TRERF1: variants seen among roughly 807,000 people sequenced by gnomAD.
TRERF1 encodes the protein transcriptional regulating factor 1.
In TRERF1, 27 loss-of-function variants were observed where a neutral mutation model predicts 122.9. That is an observed-to-expected ratio of 0.22 (90% CI 0.16 to 0.30). The LOEUF is 0.30. TRERF1 is among the 10% of genes least tolerant of loss of function. The pLI is 1.00. For synonymous variants in TRERF1, 636 were observed against 641.7 expected, an observed-to-expected ratio of 0.99 and a Z score of 0.13; for missense variants, 1,248 against 1,560.3, an observed-to-expected ratio of 0.80 and a Z score of 3.37.
rs889996641 is a variant in TRERF1 at position 42,276,621 on chromosome 6, T to A, written c.-258-6773A>T. ...GTTGTTGTTCTAAATGCTTTCTGAT[T>A]AGTCTTCTAAATAATTCCAGTGGGT... On this transcript the variant is annotated intron_variant, in intron 4 of 17. Transcript: ENST00000372922. The surrounding 1 kb of genome is among the most constrained non-coding windows in gnomAD (Gnocchi z 4.3). 3.3e-5 allele frequency among the ~76,000 whole-genome samples: 5 copies of A among 152,226 alleles called. No individual in the cohort carries two copies. The highest frequency in any genetic ancestry group is 1.2e-4 in the African/African-American group (5 of 41,458).
chr6:42,376,141 AC>A (rs1475183447), intron 2 of TRERF1, among the ~76,000 whole-genome samples: 1 of 152,152 alleles, frequency 6.6e-6, no homozygotes, highest in Non-Finnish European at 1.5e-5. Flanking sequence ...GGGCCTGGCC[AC>A]CCCCAGTTCC....
At position 42,277,920 on chromosome 6, in the gene TRERF1, A is replaced by G. The variant is rs1017306829; in HGVS notation, c.-258-8072T>C. On this transcript the variant is annotated intron_variant, in intron 4 of 17. Coordinates refer to ENST00000372922, the Ensembl canonical transcript of TRERF1. The stretch of plus-strand genomic sequence containing the variant: ...GAAGGAAGAAGGAAGAAGAAGAAGA[A>G]GAAGAAGAAGAAGAAGAAGAAGAAG... Among the ~76,000 whole-genome samples the G allele has an allele frequency of 1.2e-3, 161 of 132,514 alleles. 2 individuals carry two copies. Among genetic ancestry groups the G allele is most frequent in the South Asian group, 7.9e-3 (32 of 4,070 alleles). The allele number at this position is 132,514 out of a possible 152,430, so 86.9% of individuals were successfully genotyped here.
intron 3 of TRERF1, among the ~76,000 whole-genome samples, chr6:42,319,268 C>A (rs1428386471): frequency 2.6e-5 from 4 of 152,202 alleles, no homozygotes; most frequent in Non-Finnish European, 5.9e-5. Context: ...GATTTTTCAG[C>A]CTCCAAGATC....
intron 4 of TRERF1, among the ~76,000 whole-genome samples, chr6:42,295,724 T>C (rs1784993955): frequency 6.6e-6 from 1 of 152,178 alleles, no homozygotes; most frequent in Non-Finnish European, 1.5e-5. Context: ...TTTTTTTGGT[T>C]ACAAAGTCCT....
rs940338225 is a variant in TRERF1, at chr6:42,262,533, G to C, written c.1884+787C>G. ...AGAGAGAGAGAGAGAGAGAGAGAGA[G>C]AGAGAGAGAGAGAGAGAGAGAGAGA... is the stretch of plus-strand genomic sequence containing the variant. On this transcript the variant is annotated intron_variant, in intron 8 of 17. Transcript: ENST00000372922. 2.6e-3 allele frequency among the ~76,000 whole-genome samples: 153 copies of C among 58,806 alleles called. 18 individuals are homozygous for C. The highest frequency in any genetic ancestry group is 0.014 in the South Asian group (15 of 1,048). 38.6% of individuals were successfully genotyped at this position (58,806 alleles called of 152,430 possible). A position where few individuals can be genotyped will look rare whatever the true frequency, so the allele number is the denominator to read the frequency against.
rs960615338 is a variant in TRERF1 at position 42,445,754 on chromosome 6, C to A, written c.-454+5423G>T. On this transcript the variant is annotated intron_variant, in intron 2 of 17. Coordinates refer to ENST00000372922, the Ensembl canonical transcript of TRERF1. ...CATTCTACTCCTAATGAGCATCTCA[C>A]ACCCACCCACTCCTCTCCATGCACC... Among the ~76,000 whole-genome samples, 6 of 152,144 alleles carry A rather than the reference C, an allele frequency of 3.9e-5. 1 individual carries two copies. The East Asian group carries it at 1.2e-3, about 29-fold the overall frequency.
At chr6:42,343,889 G>A (rs924295951) in intron 3 of TRERF1, among the ~76,000 whole-genome samples, 5 of 152,218 alleles carry the variant, frequency 3.3e-5, no homozygotes. Flanking sequence ...GTAGGGGGAG[G>A]AAGACGGACT....
Position 42,269,261 on chromosome 6 carries a change from T to G in TRERF1, c.330A>C (p.Ala110=), listed in dbSNP as rs765635766. 1 of 1,614,182 alleles carries G rather than the reference T, an allele frequency of 6.2e-7. No homozygotes were observed. Among genetic ancestry groups the G allele is most frequent in the Non-Finnish European group, 8.5e-7 (1 of 1,180,014 alleles). Residue 110 remains alanine (A), a synonymous_variant, in exon 5 of 18, where the codon GCA becomes GCC. Transcript: ENST00000372922. This position sits in a 1 kb window ranked among gnomAD's most constrained non-coding sequence, Gnocchi z 4.9. ...CATCAGTGGGCTCAGCCTGGGCTGG[T>G]GCCCCCCACATCATGTTTGAGTTGG...
At chr6:42,327,204 G>T (rs1764438263) in intron 3 of TRERF1, among the ~76,000 whole-genome samples, 1 of 152,118 alleles carries the variant, frequency 6.6e-6, no homozygotes. Flanking sequence ...TTGTTCCCTG[G>T]TCCCAGAATA....
intron 3 of TRERF1, among the ~76,000 whole-genome samples, chr6:42,330,663 A>G (rs977444207): frequency 3.9e-5 from 6 of 152,102 alleles, no homozygotes; most frequent in African/African-American, 1.2e-4. Flanking sequence ...TCATGCAAAC[A>G]TTGTTGTATT....
At chr6:42,301,250 G>A (rs981712920) in intron 3 of TRERF1, among the ~76,000 whole-genome samples, 2 of 151,940 alleles carry the variant, frequency 1.3e-5, no homozygotes, top group Non-Finnish European at 2.9e-5. Context: ...TTTTTTCTGA[G>A]ACAGAGTCTC....
chr6:42,342,822 G>T (rs77733940), intron 3 of TRERF1, among the ~76,000 whole-genome samples: 1,637 of 152,258 alleles, frequency 0.011, 24 homozygotes, highest in African/African-American at 0.037. Flanking sequence ...CCACATGGTG[G>T]CCCCTCAAGT....
In TRERF1 at chr6:42,298,132, T is replaced by C. The variant is rs142842607; in HGVS notation, c.-259+2506A>G. On this transcript the variant is annotated intron_variant, in intron 4 of 17. Coordinates refer to ENST00000372922, the Ensembl canonical transcript of TRERF1. The stretch of plus-strand genomic sequence containing the variant: ...AATAAATTAGTTAAATAGAAGATAG[T>C]TGTTGTTTTTTTTTGTTTTTGTTTT... 9.9e-5 allele frequency among the ~76,000 whole-genome samples: 15 copies of C among 151,776 alleles called. No homozygotes were observed. In the East Asian group the frequency reaches 2.5e-3, roughly 26 times the overall value.
At chr6:42,406,795 T>C (rs1780252298) in intron 2 of TRERF1, among the ~76,000 whole-genome samples, 1 of 151,888 alleles carries the variant, frequency 6.6e-6, no homozygotes, top group Admixed American at 6.6e-5. Flanking sequence ...CAGGGATTTG[T>C]GTAACCACTC....
intron 2 of TRERF1, among the ~76,000 whole-genome samples, chr6:42,398,053 A>C (rs1778876515): frequency 6.6e-6 from 1 of 152,222 alleles, no homozygotes; most frequent in African/African-American, 2.4e-5. Flanking sequence ...GTTTAGCATC[A>C]GTGATTCCCA....
intron 3 of TRERF1, among the ~76,000 whole-genome samples, chr6:42,318,655 G>A (rs1232916047): frequency 6.6e-6 from 1 of 152,238 alleles, no homozygotes. Flanking sequence ...TCCGCTGCCT[G>A]TTTATGTAAA....
At chr6:42,451,953 A>T (rs934783102) in intron 1 of TRERF1, 27 bp from the exon 1 acceptor site, 1 of 152,236 alleles carries the variant, frequency 6.6e-6, no homozygotes, top group Non-Finnish European at 1.5e-5. Flanking sequence ...ACAGAAATAC[A>T]TATGTATCTC....
At chr6:42,299,396 A>G (rs1785748998) in intron 4 of TRERF1, among the ~76,000 whole-genome samples, 1 of 152,238 alleles carries the variant, frequency 6.6e-6, no homozygotes, top group Non-Finnish European at 1.5e-5. Flanking sequence ...GATGGTAGAA[A>G]TAAATCCCAA....
In TRERF1 at chr6:42,232,751, A is replaced by G; in HGVS notation, c.3208T>C (p.Ser1070Pro). ...CCGCTGGTGGTGCTGTGAGAGGGTG[A>G]GCTCTTTACCGAACAGTACCCACTC... Residue 1070 changes from serine (S) to proline (P), a missense_variant, in exon 17 of 18, where the codon TCA becomes CCA. By Grantham distance (74) the Ser-to-Pro change is moderately conservative (BLOSUM62 -1). Transcript: ENST00000372922. The surrounding 1 kb of genome is among the most constrained non-coding windows in gnomAD (Gnocchi z 4.5). 6.2e-7 allele frequency: 1 copy of G among 1,611,144 alleles called. No individual in the cohort carries two copies. The highest frequency in any genetic ancestry group is 8.5e-7 in the Non-Finnish European group (1 of 1,177,580).
Sources: gnomAD v4.1 joint callset for allele counts (sites outside exome capture counted in the v4.1 genomes callset) on GRCh38, gnomAD v4.1.1 for gene constraint, Gnocchi (gnomAD v3.1) non-coding constraint, MANE v1.5 for transcripts, NCBI Gene and HGNC (gene_info 2026-07-23, HGNC 2026-07-21) for gene names.